Variants in LRRN2 observed in about 807,000 individuals in gnomAD.
The protein encoded by LRRN2 is leucine-rich repeat neuronal protein 2.
A neutral mutation model predicts 35.7 loss-of-function variants in LRRN2; 10 were observed. That is an observed-to-expected ratio of 0.28 (90% CI 0.17 to 0.47). The LOEUF is 0.47. Among genes scored for constraint, LRRN2 ranks in the 20% least tolerant of loss-of-function variants. The probability of loss-of-function intolerance (pLI) is 0.99; values close to 1 mark genes in which losing one functional copy is unlikely to be tolerated. For missense variants in LRRN2, 731 were observed against 940.3 expected, an observed-to-expected ratio of 0.78 and a Z score of 2.91; for synonymous variants, 391 against 409.6, an observed-to-expected ratio of 0.95 and a Z score of 0.55.
chr1:204,643,357 AT>A (rs1368665956), intron 1 of LRRN2, among the ~76,000 whole-genome samples: 1 of 152,098 alleles, frequency 6.6e-6, no homozygotes, highest in Non-Finnish European at 1.5e-5. Flanking sequence ...GCACAGGTGC[AT>A]TTTTCCGGCA....
chr1:204,649,959 T>G (rs1668187354), intron 1 of LRRN2, among the ~76,000 whole-genome samples: 1 of 152,160 alleles, frequency 6.6e-6, no homozygotes, highest in African/African-American at 2.4e-5. Context: ...AGTGAGCCAG[T>G]AGTCAATTCC....
At chr1:204,664,385 C>G (rs1317135233) in intron 1 of LRRN2, 2 of 152,940 alleles carry the variant, frequency 1.3e-5, no homozygotes, top group African/African-American at 4.8e-5. Flanking sequence ...GTCCTCAGAA[C>G]AGATTGCCTT....
At chr1:204,673,732 G>C (rs1668758660) in intron 1 of LRRN2, among the ~76,000 whole-genome samples, 1 of 152,230 alleles carries the variant, frequency 6.6e-6, no homozygotes, top group South Asian at 2.1e-4. Flanking sequence ...CCGAAGAAAA[G>C]TGGAGAGGGG....
intron 1 of LRRN2, among the ~76,000 whole-genome samples, chr1:204,631,201 C>T (rs1667682519): frequency 1.5e-5 from 2 of 135,754 alleles, no homozygotes; most frequent in African/African-American, 5.5e-5. Context: ...CTCTAACCTC[C>T]TCTCCAGCTC....
At chr1:204,638,522 T>C (rs987101671) in intron 1 of LRRN2, among the ~76,000 whole-genome samples, 1 of 146,568 alleles carries the variant, frequency 6.8e-6, no homozygotes, top group African/African-American at 2.5e-5. Context: ...AGCAATTCTC[T>C]GCCTCAGCCT....
At chr1:204,658,103 GAAT>G (rs1668399884) in intron 1 of LRRN2, among the ~76,000 whole-genome samples, 1 of 151,008 alleles carries the variant, frequency 6.6e-6, no homozygotes, top group African/African-American at 2.4e-5. Context: ...TCAGCCTCCG[GAAT>G]ATCTGGGACT....
At chr1:204,631,290 ATATATATATAT>A (rs1232875777) in intron 1 of LRRN2, among the ~76,000 whole-genome samples, 5 of 102,948 alleles carry the variant, frequency 4.9e-5, no homozygotes, top group African/African-American at 1.9e-4. Flanking sequence ...ATATATATAT[ATATATATATAT>A]ATGAAGAGCT....
At chr1:204,639,888 C>T (rs1391684552) in intron 1 of LRRN2, among the ~76,000 whole-genome samples, 2 of 152,090 alleles carry the variant, frequency 1.3e-5, no homozygotes, top group South Asian at 2.1e-4. Context: ...AGAATCCATG[C>T]TCTTAACAAA....
intron 1 of LRRN2, among the ~76,000 whole-genome samples, chr1:204,649,985 G>C (rs1668187886): frequency 6.6e-6 from 1 of 152,196 alleles, no homozygotes; most frequent in Admixed American, 6.5e-5. Flanking sequence ...ATAAAACTTT[G>C]ATTACCTATG....
intron 1 of LRRN2, among the ~76,000 whole-genome samples, chr1:204,638,343 TA>T (rs1362485276): frequency 1.3e-5 from 2 of 150,862 alleles, no homozygotes; most frequent in African/African-American, 4.9e-5. Flanking sequence ...CTGGCACCCT[TA>T]TTTTACAGGC....
intron 1 of LRRN2, among the ~76,000 whole-genome samples, chr1:204,679,983 G>A (rs1264794481): frequency 6.6e-6 from 1 of 152,226 alleles, no homozygotes; most frequent in Non-Finnish European, 1.5e-5. Flanking sequence ...TGGAGGGAGG[G>A]AAGGAGGAGA....
At chr1:204,660,805 T>A (rs1003133514) in intron 1 of LRRN2, among the ~76,000 whole-genome samples, 1 of 152,222 alleles carries the variant, frequency 6.6e-6, no homozygotes, top group East Asian at 1.9e-4. Flanking sequence ...TCATTTGTCT[T>A]TTCATTTGTA....
intron 1 of LRRN2, among the ~76,000 whole-genome samples, chr1:204,674,636 A>G (rs965951009): frequency 2.6e-5 from 4 of 152,230 alleles, no homozygotes; most frequent in African/African-American, 9.6e-5. Context: ...TAAATGCTGC[A>G]TAAGCTTCAC....
At chr1:204,655,846 G>T (rs1225750358) in intron 1 of LRRN2, among the ~76,000 whole-genome samples, 1 of 152,186 alleles carries the variant, frequency 6.6e-6, no homozygotes, top group Non-Finnish European at 1.5e-5. Flanking sequence ...TGTGTTCAGA[G>T]CAGCACAGTG....
At chr1:204,668,821 A>G (rs1055496931) in intron 1 of LRRN2, among the ~76,000 whole-genome samples, 1 of 152,172 alleles carries the variant, frequency 6.6e-6, no homozygotes, top group African/African-American at 2.4e-5. Context: ...TAGGTTGTAA[A>G]TAGTTTTTCT....
intron 1 of LRRN2, among the ~76,000 whole-genome samples, chr1:204,673,366 C>T (rs1022044665): frequency 2.0e-5 from 3 of 152,146 alleles, no homozygotes; most frequent in African/African-American, 7.2e-5. Context: ...GTGTGCCAAG[C>T]ATTTTACAAG....
At chr1:204,684,625 C>A (rs1166424953) in intron 1 of LRRN2, among the ~76,000 whole-genome samples, 1 of 152,162 alleles carries the variant, frequency 6.6e-6, no homozygotes, top group Non-Finnish European at 1.5e-5. Flanking sequence ...CATCCTGTCT[C>A]CTGGGTCCTG....
At chr1:204,636,720 G>A (rs373657725) in intron 1 of LRRN2, among the ~76,000 whole-genome samples, 4 of 152,242 alleles carry the variant, frequency 2.6e-5, no homozygotes, top group African/African-American at 9.6e-5. Context: ...AGCCATGATC[G>A]CATGACTGCA....
chr1:204,640,261 TG>T (rs1667949795), intron 1 of LRRN2, among the ~76,000 whole-genome samples: 1 of 152,150 alleles, frequency 6.6e-6, no homozygotes, highest in South Asian at 2.1e-4. Context: ...GGGAGCTCTC[TG>T]GGGTCTCTTT....
Sources: allele counts gnomAD v4.1 joint callset (sites outside exome capture counted in the v4.1 genomes callset), GRCh38; gene constraint gnomAD v4.1.1; transcripts MANE v1.5; gene names NCBI Gene and HGNC (gene_info 2026-07-23, HGNC 2026-07-21).